The following DMRT1 variants were observed in gnomAD, a reference collection of about 807,000 sequenced individuals.
The protein encoded by DMRT1 is doublesex- and mab-3-related transcription factor 1.
In DMRT1, 7 loss-of-function variants were observed where a neutral mutation model predicts 32.3. That is an observed-to-expected ratio of 0.22 (90% CI 0.12 to 0.41). The LOEUF (loss-of-function observed/expected upper bound fraction) is 0.41, where lower values mean the gene tolerates loss of function less well. Among genes scored for constraint, DMRT1 ranks in the 10% least tolerant of loss-of-function variants. The pLI, the probability that DMRT1 is intolerant of heterozygous loss-of-function variation, is 1.00. For synonymous variants in DMRT1, 278 were observed against 206.1 expected (o/e 1.35, Z -2.99); for missense variants, 625 against 500.5 (o/e 1.25, Z -2.37).
intron 1 of DMRT1, among the ~76,000 whole-genome samples, chr9:843,908 G>C (rs78666335): frequency 0.014 from 2,190 of 152,262 alleles, 51 homozygotes; most frequent in African/African-American, 0.051. Context: ...TTTCTTAATA[G>C]ATTTTTAAAG....
chr9:893,329 C>T (rs1267164015), intron 2 of DMRT1, among the ~76,000 whole-genome samples: 2 of 152,194 alleles, frequency 1.3e-5, no homozygotes, highest in African/African-American at 2.4e-5. Flanking sequence ...AGTTTTATTG[C>T]AACACAAGCA....
At chr9:880,756 A>C (rs1451572967) in intron 2 of DMRT1, among the ~76,000 whole-genome samples, 1 of 140,910 alleles carries the variant, frequency 7.1e-6, no homozygotes, top group Non-Finnish European at 1.5e-5. Flanking sequence ...AAAGAAAAGG[A>C]AAAAAAGTAT....
chr9:883,128 C>G (rs759248415), intron 2 of DMRT1, among the ~76,000 whole-genome samples: 3 of 151,940 alleles, frequency 2.0e-5, no homozygotes, highest in Non-Finnish European at 2.9e-5. Flanking sequence ...AGCCTGCCAT[C>G]TGTCCCACAT....
At chr9:870,847 A>T (rs1816217205) in intron 2 of DMRT1, among the ~76,000 whole-genome samples, 1 of 150,418 alleles carries the variant, frequency 6.6e-6, no homozygotes, top group South Asian at 2.1e-4. Flanking sequence ...GAGTAGCTGG[A>T]ACTACAGGTG....
In DMRT1 at chr9:913,012, A is replaced by G. The variant is rs118104162; in HGVS notation, c.823-3751A>G. 5.0e-3 allele frequency among the ~76,000 whole-genome samples: 763 copies of G among 152,344 alleles called. 9 individuals are homozygous for G. The highest frequency in any genetic ancestry group is 0.03 in the South Asian group (147 of 4,826). On this transcript the variant is annotated intron_variant, in intron 3 of 4. Coordinates refer to ENST00000382276, the MANE Select transcript of DMRT1 (RefSeq NM_021951.3). ...CATTTTACAAATTGCTAGAGACTGT[A>G]TGGCTTGCCTAAAATATATATACTG...
chr9:961,919 G>A (rs978909527), intron 4 of DMRT1, among the ~76,000 whole-genome samples: 16 of 152,136 alleles, frequency 1.1e-4, no homozygotes, highest in African/African-American at 3.9e-4. Context: ...GAGAAACTAG[G>A]GCGCAGGATG....
In DMRT1 at chr9:915,172, T is replaced by A. The variant is rs576920930; in HGVS notation, c.823-1591T>A. ...GTTTAAAAGCGAGTACCATCTAAAT[T>A]TAAGTTTTAAAAGACTGTCATAAAT... On this transcript the variant is annotated intron_variant, in intron 3 of 4. Coordinates refer to ENST00000382276, the MANE Select transcript of DMRT1 (RefSeq NM_021951.3). 1.5e-4 allele frequency among the ~76,000 whole-genome samples: 23 copies of A among 152,306 alleles called. No homozygotes were observed. In the East Asian group the frequency reaches 4.4e-3, roughly 29 times the overall value.
rs904217395 is a variant in DMRT1, at chr9:968,290, A to C, written c.*151A>C. On this transcript the variant is annotated 3_prime_UTR_variant, in exon 5 of 5. Coordinates refer to ENST00000382276, the MANE Select transcript of DMRT1 (RefSeq NM_021951.3). ...CCTTAGAGTTTAGTCCAGAGGCTGTAACACATTTGTAATACTTTAGGGTCC... is the reference window on the plus strand; with the variant it reads ...CCTTAGAGTTTAGTCCAGAGGCTGTCACACATTTGTAATACTTTAGGGTCC... 2.2e-6 allele frequency: 2 copies of C among 900,330 alleles called. No homozygotes were observed. The highest frequency in any genetic ancestry group is 2.2e-5 in the Admixed American group (1 of 46,100). 55.8% of individuals were successfully genotyped at this position (900,330 alleles called of 1,614,324 possible). A position where few individuals can be genotyped will look rare whatever the true frequency, so the allele number is the denominator to read the frequency against.
intron 4 of DMRT1, among the ~76,000 whole-genome samples, chr9:936,202 T>C (rs1028755304): frequency 1.3e-5 from 2 of 152,234 alleles, no homozygotes; most frequent in African/African-American, 4.8e-5. Context: ...TTGATACTTA[T>C]TTACTTGGGA....
In DMRT1 at chr9:952,320, G is replaced by A. The variant is rs529793746; in HGVS notation, c.968-15665G>A. On this transcript the variant is annotated intron_variant, in intron 4 of 4. Coordinates refer to ENST00000382276, the MANE Select transcript of DMRT1 (RefSeq NM_021951.3). ...TGGAGGTAGATTAAGAAATAAAAAG[G>A]ACTAACAGTAGTCATTGTTTTCCTT... 6.6e-5 allele frequency among the ~76,000 whole-genome samples: 10 copies of A among 152,282 alleles called. No homozygotes were observed. The South Asian group carries it at 1.0e-3, about 16-fold the overall frequency.
intron 2 of DMRT1, among the ~76,000 whole-genome samples, chr9:861,004 A>G (rs909349612): frequency 6.6e-6 from 1 of 151,104 alleles, no homozygotes; most frequent in Non-Finnish European, 1.5e-5. Context: ...TGCAGTGGAC[A>G]GCCATTAACT....
chr9:845,298 C>G (rs1243340223), intron 1 of DMRT1, among the ~76,000 whole-genome samples: 1 of 152,092 alleles, frequency 6.6e-6, no homozygotes. Flanking sequence ...CAACCTCCAC[C>G]TCCTGGCTTC....
intron 2 of DMRT1, among the ~76,000 whole-genome samples, chr9:877,779 G>C (rs987276865): frequency 2.6e-5 from 4 of 152,088 alleles, no homozygotes; most frequent in African/African-American, 7.2e-5. Context: ...TCCCAGTTTG[G>C]GTTATCAGCT....
At chr9:900,118 G>A (rs1282069046) in intron 3 of DMRT1, among the ~76,000 whole-genome samples, 1 of 151,936 alleles carries the variant, frequency 6.6e-6, no homozygotes, top group Non-Finnish European at 1.5e-5. Context: ...CTTGGGAGAA[G>A]GCTGCTATTT....
intron 2 of DMRT1, among the ~76,000 whole-genome samples, chr9:876,147 G>C (rs539537544): frequency 7.2e-5 from 11 of 152,176 alleles, no homozygotes; most frequent in African/African-American, 2.7e-4. Flanking sequence ...ACCTGGTTCC[G>C]AGTAGCTTGT....
intron 2 of DMRT1, among the ~76,000 whole-genome samples, chr9:881,760 T>C (rs1816744203): frequency 6.6e-6 from 1 of 152,272 alleles, no homozygotes; most frequent in African/African-American, 2.4e-5. Context: ...TTTTAGAATG[T>C]AGCCTTGATG....
intron 3 of DMRT1, chr9:894,460 T>A: frequency 3.7e-6 from 2 of 534,686 alleles, no homozygotes; most frequent in Non-Finnish European, 6.8e-6. Context: ...AAAGAAATAA[T>A]GTACAAACTT....
At chr9:929,318 A>C (rs1818631471) in intron 4 of DMRT1, among the ~76,000 whole-genome samples, 1 of 151,866 alleles carries the variant, frequency 6.6e-6, no homozygotes, top group South Asian at 2.1e-4. Context: ...TTTTTTTGAG[A>C]TGAGGATCTC....
At chr9:908,857 T>G (rs1432327113) in intron 3 of DMRT1, among the ~76,000 whole-genome samples, 1 of 152,124 alleles carries the variant, frequency 6.6e-6, no homozygotes, top group Admixed American at 6.5e-5. Context: ...CTGGGCGCAT[T>G]TGGAGGGAGA....
Sources: gnomAD v4.1 joint callset for allele counts (sites outside exome capture counted in the v4.1 genomes callset) on GRCh38, gnomAD v4.1.1 for gene constraint, MANE v1.5 for transcripts, NCBI Gene and HGNC (gene_info 2026-07-23, HGNC 2026-07-21) for gene names.